Variants in QSER1 observed in about 807,000 individuals in gnomAD.
QSER1 encodes glutamine and serine rich 1, also known as glutamine and serine-rich protein 1.
Under a neutral mutation model 158.5 loss-of-function variants are expected in QSER1, and 49 were observed. The observed-to-expected ratio is 0.31, with a 90% CI of 0.25 to 0.39. QSER1 has a LOEUF of 0.39. QSER1 is among the 10% of genes least tolerant of loss of function. The pLI is 1.00. For missense variants in QSER1, 1,754 were observed against 2,010.3 expected (o/e 0.87, Z 2.44); for synonymous variants, 650 against 715.5 (o/e 0.91, Z 1.46).
intron 10 of QSER1, among the ~76,000 whole-genome samples, chr11:32,971,979 CG>C (rs1241553052): frequency 6.6e-6 from 1 of 150,796 alleles, no homozygotes; most frequent in African/African-American, 2.4e-5. Context: ...AGGAGAATGG[CG>C]TGAACCCAGG....
intron 8 of QSER1, among the ~76,000 whole-genome samples, chr11:32,961,372 C>T (rs1271267433): frequency 4.6e-5 from 7 of 152,130 alleles, no homozygotes; most frequent in East Asian, 1.9e-4. Context: ...CTCATCCATG[C>T]ATGGTTTTAT....
At chr11:32,973,707 G>T (rs548355991) in intron 11 of QSER1, among the ~76,000 whole-genome samples, 158 bp downstream of exon 11, 1 of 152,196 alleles carries the variant, frequency 6.6e-6, no homozygotes, top group Non-Finnish European at 1.5e-5. Context: ...GAACAGGGAC[G>T]CATGGTGGTT....
rs1204169575 is a variant in QSER1 at position 32,973,251 on chromosome 11, C to G, written c.5206-146C>G. 8 of 785,378 alleles carry G rather than the reference C, an allele frequency of 1.0e-5. No individual in the cohort carries two copies. The Admixed American group carries it at 2.1e-4, about 21-fold the overall frequency. 48.7% of individuals were successfully genotyped at this position (785,378 alleles called of 1,614,324 possible). A position where few individuals can be genotyped will look rare whatever the true frequency, so the allele number is the denominator to read the frequency against. On this transcript the variant is annotated intron_variant, in intron 10 of 12. Transcript: ENST00000650167. ...GCATATCCCATCAGTACACACACACCTCTCTGCAAATAGGTGTTTGTGTGC... is the reference window on the plus strand; with the variant it reads ...GCATATCCCATCAGTACACACACACGTCTCTGCAAATAGGTGTTTGTGTGC...
At chr11:32,945,373 A>G (rs1289721205) in intron 4 of QSER1, among the ~76,000 whole-genome samples, 3 of 151,584 alleles carry the variant, frequency 2.0e-5, no homozygotes, top group African/African-American at 7.3e-5. Context: ...AGCGGCTGGT[A>G]CCGGTTGTTC....
chr11:32,929,108 A>G (rs1478356233), intron 3 of QSER1, among the ~76,000 whole-genome samples: 4 of 151,618 alleles, frequency 2.6e-5, no homozygotes, highest in African/African-American at 4.8e-5. Context: ...TTAGGTTTCA[A>G]TTTTGTTTTG....
intron 1 of QSER1, among the ~76,000 whole-genome samples, chr11:32,919,529 T>A (rs1851874985): frequency 6.6e-6 from 1 of 152,206 alleles, no homozygotes. Flanking sequence ...GTCACTTTCA[T>A]CACATCCTGT....
At position 32,976,324 on chromosome 11, in the gene QSER1, CT is replaced by C. The variant is rs755680015; in HGVS notation, c.5455-3del. On this transcript the variant is annotated splice_polypyrimidine_tract_variant and intron_variant, in intron 12 of 12. Coordinates refer to ENST00000650167, the MANE Select transcript of QSER1 (RefSeq NM_001076786.3). The stretch of plus-strand genomic sequence containing the variant: ...AAGTATAAGCTAATTTGGCGATTTT[CT>C]TTTTTTAGATTTCTTCGGTGCAGAA... 6.3e-7 allele frequency: 1 copy of C among 1,575,144 alleles called. No individual in the cohort carries two copies. Among genetic ancestry groups the C allele is most frequent in the Non-Finnish European group, 8.6e-7 (1 of 1,167,880 alleles).
At chr11:32,965,618 AC>A (rs1852726565) in intron 8 of QSER1, among the ~76,000 whole-genome samples, 1 of 152,088 alleles carries the variant, frequency 6.6e-6, no homozygotes, top group African/African-American at 2.4e-5. Context: ...ATAGTTTCTT[AC>A]CCAGTCTACT....
At chr11:32,908,980 C>T (rs562272861) in intron 1 of QSER1, among the ~76,000 whole-genome samples, 4 of 152,166 alleles carry the variant, frequency 2.6e-5, no homozygotes, top group African/African-American at 9.6e-5. Flanking sequence ...GCCAACAGAG[C>T]GAAACCTCAT....
intron 9 of QSER1, 77 bp downstream of exon 9, chr11:32,966,514 G>A: frequency 7.6e-7 from 1 of 1,309,648 alleles, no homozygotes; most frequent in South Asian, 1.4e-5. Context: ...TTAGTTATAT[G>A]TTTATATGTG....
intron 4 of QSER1, among the ~76,000 whole-genome samples, chr11:32,945,543 T>G (rs1047155700): frequency 5.3e-5 from 8 of 152,208 alleles, no homozygotes; most frequent in African/African-American, 1.9e-4. Flanking sequence ...ATTCTTTTCT[T>G]TAAGAATGTT....
At position 32,928,095 on chromosome 11, in the gene QSER1, A is replaced by G; in HGVS notation, c.456A>G (p.Pro152=). 6.2e-7 allele frequency: 1 copy of G among 1,613,112 alleles called. No homozygotes were observed. The highest frequency in any genetic ancestry group is 1.3e-5 in the African/African-American group (1 of 74,976). ...CTGCTTCAGGAACTACTCTCTTACC[A>G]CAATTCAGGGCTCCATCCTGGCAGA... The part of the protein sequence containing the change: ...QAAASGTTLL[P]QFRAPSWQTG... The change falls in exon 3 of 13, where the codon CCA becomes CCG. Residue 152 remains proline (P), a synonymous_variant. Coordinates refer to ENST00000650167, the MANE Select transcript of QSER1 (RefSeq NM_001076786.3).
In QSER1 at chr11:32,954,131, A is replaced by G. The variant is rs1852472095; in HGVS notation, c.4452A>G (p.Arg1484=). 1 of 1,613,848 alleles carries G rather than the reference A, an allele frequency of 6.2e-7. No individual in the cohort carries two copies. The highest frequency in any genetic ancestry group is 1.3e-5 in the African/African-American group (1 of 74,936). ...AAAGCGGAGGAGAAGGCCAATACAG[A>G]GAGCGTGATGAATTTGTGGTAAAGA... ...DTESGGEGQY[R]ERDEFVVKIE... Residue 1484 remains arginine (R), a synonymous_variant, in exon 5 of 13, where the codon AGA becomes AGG. Coordinates refer to ENST00000650167, the MANE Select transcript of QSER1 (RefSeq NM_001076786.3).
intron 1 of QSER1, among the ~76,000 whole-genome samples, chr11:32,897,799 A>G (rs139728538): frequency 0.02 from 3,000 of 152,244 alleles, 53 homozygotes; most frequent in Non-Finnish European, 0.031. Flanking sequence ...GCTTAATGAT[A>G]TGCTTTCCCC....
chr11:32,942,749 G>GT (rs1852262570), intron 4 of QSER1, among the ~76,000 whole-genome samples: 1 of 152,094 alleles, frequency 6.6e-6, no homozygotes, highest in Non-Finnish European at 1.5e-5. Context: ...CTTTAAAGTA[G>GT]TTTTTTCCAA....
chr11:32,910,575 CT>C (rs1851753690), intron 1 of QSER1, among the ~76,000 whole-genome samples: 1 of 152,146 alleles, frequency 6.6e-6, no homozygotes, highest in Admixed American at 6.5e-5. Context: ...TTGTGTATGC[CT>C]TTCACTCCTA....
intron 11 of QSER1, among the ~76,000 whole-genome samples, chr11:32,974,238 A>G (rs1852929102): frequency 6.6e-6 from 1 of 152,120 alleles, no homozygotes; most frequent in Admixed American, 6.6e-5. Context: ...CTTGGCAACA[A>G]AGCAAGGCCC....
In QSER1 at chr11:32,933,978, A is replaced by G. The variant is rs370499964; in HGVS notation, c.2720A>G (p.Asn907Ser). Residue 907 changes from asparagine to serine, a missense_variant, in exon 4 of 13, where the codon AAT (asparagine) becomes AGT (serine). This residue lies in a region of QSER1 where 1,707 missense variants were observed against 1,919.6 expected (regional missense o/e 0.89). Transcript: ENST00000650167. ...ATGGAAGGTCATGTTATTCAAAGCA[A>G]TGGTGATCATTCTCAGCAGCAACTC... ...LQMEGHVIQS[N>S]GDHSQQQLHP... The G allele has an allele frequency of 4.3e-6, 7 of 1,613,880 alleles. No individual in the cohort carries two copies. The highest frequency in any genetic ancestry group is 4.0e-5 in the African/African-American group (3 of 74,938).
intron 12 of QSER1, 117 bp from the exon 13 acceptor site, chr11:32,976,217 C>T: frequency 1.1e-6 from 1 of 911,424 alleles, no homozygotes; most frequent in Non-Finnish European, 1.5e-6. Flanking sequence ...CCAAATTTAG[C>T]TGAAATAATC....
Sources: allele counts gnomAD v4.1 joint callset (sites outside exome capture counted in the v4.1 genomes callset), GRCh38; gene constraint gnomAD v4.1.1; regional missense constraint gnomAD v4.1.1; transcripts MANE v1.5; gene names NCBI Gene and HGNC (gene_info 2026-07-23, HGNC 2026-07-21).